The following SMARCB1 variants were observed in gnomAD, a reference collection of about 807,000 sequenced individuals.
The protein encoded by SMARCB1 is SWI/SNF related BAF chromatin remodeling complex subunit B1.
Under a neutral mutation model 49.0 loss-of-function variants are expected in SMARCB1, and 5 were observed. The ratio of observed to expected loss-of-function variants is 0.10; its 90% CI spans 0.05 to 0.21. The LOEUF is 0.21. SMARCB1 is among the 10% of genes least tolerant of loss of function. The pLI is 1.00. For missense variants in SMARCB1, 226 were observed against 509.2 expected (o/e 0.44, Z 5.35); for synonymous variants, 201 against 200.1 (o/e 1.00, Z -0.04).
chr22:23,799,728 A>C (rs1601400258), intron 3 of SMARCB1, among the ~76,000 whole-genome samples: 2 of 112,026 alleles, frequency 1.8e-5, no homozygotes, highest in African/African-American at 3.6e-5. Flanking sequence ...TCTGTCTCCC[A>C]CTCTGGAGTG....
At chr22:23,796,093 G>A (rs562380636) in intron 3 of SMARCB1, among the ~76,000 whole-genome samples, 5 of 152,078 alleles carry the variant, frequency 3.3e-5, no homozygotes, top group East Asian at 1.9e-4. Context: ...GTGCCCAGCC[G>A]GGAGTGCCCT....
chr22:23,835,069 GGCCAGCTCCTGCCTTACAA>G lies in SMARCB1; in HGVS notation c.*897_*915del. ...CCACCCCAGCAGGTGCTGTGGCCTG[GGCCAGCTCCTGCCTTACAA>G]GCCAGCTGTGAGGAATATGGGAATA... On this transcript the variant is annotated 3_prime_UTR_variant, in exon 9 of 9. Transcript: ENST00000644036. The G allele has an allele frequency of 1.4e-6, 2 of 1,396,158 alleles. No individual in the cohort carries two copies. The highest frequency in any genetic ancestry group is 1.9e-6 in the Non-Finnish European group (2 of 1,078,162). 86.5% of individuals were successfully genotyped at this position (1,396,158 alleles called of 1,614,324 possible).
intron 5 of SMARCB1, chr22:23,815,556 T>TG (rs1930143774): frequency 6.7e-6 from 1 of 149,330 alleles, no homozygotes; most frequent in African/African-American, 2.5e-5. Context: ...AAACTAAACA[T>TG]GCAACCAGTG....
At chr22:23,790,196 T>C (rs1338350759) in intron 1 of SMARCB1, among the ~76,000 whole-genome samples, 2 of 151,904 alleles carry the variant, frequency 1.3e-5, no homozygotes, top group African/African-American at 2.4e-5. Context: ...AAGGTAGTCA[T>C]AGGGGGGAGT....
At chr22:23,811,556 G>A (rs1256557725) in intron 5 of SMARCB1, among the ~76,000 whole-genome samples, 1 of 152,168 alleles carries the variant, frequency 6.6e-6, no homozygotes, top group Non-Finnish European at 1.5e-5. Context: ...AACCACAATT[G>A]ACTCAAATAC....
Position 23,836,863 on chromosome 22 carries a change from T to TG in SMARCB1, c.*2688dup. The TG allele has an allele frequency of 6.9e-7, 1 of 1,453,648 alleles. No individual in the cohort carries two copies. The highest frequency in any genetic ancestry group is 9.1e-7 in the Non-Finnish European group (1 of 1,101,922). The allele number at this position is 1,453,648 out of a possible 1,614,324, so 90.0% of individuals were successfully genotyped here. A position where few individuals can be genotyped will look rare whatever the true frequency, so the allele number is the denominator to read the frequency against. On this transcript the variant is annotated 3_prime_UTR_variant, in exon 9 of 9. Transcript: ENST00000644036. Reference sequence around the variant, plus strand: ...GAAGCCTCTTAGGCCTGGCCCTGGGTGGGGGTCACTGCTGCGGGGGTGGCA... The same window carrying TG: ...GAAGCCTCTTAGGCCTGGCCCTGGGTGGGGGGTCACTGCTGCGGGGGTGGCA...
At chr22:23,813,670 T>C (rs1476678191) in intron 5 of SMARCB1, among the ~76,000 whole-genome samples, 1 of 152,218 alleles carries the variant, frequency 6.6e-6, no homozygotes, top group Non-Finnish European at 1.5e-5. Context: ...TATTCATGGA[T>C]TAAAAGACTC....
rs1301089549 is a variant in SMARCB1, at chr22:23,836,319, GAGAC to G, written c.*2142_*2145del. The G allele has an allele frequency of 2.0e-6, 2 of 985,420 alleles. No homozygotes were observed. The highest frequency in any genetic ancestry group is 2.4e-6 in the Non-Finnish European group (2 of 829,974). The allele number at this position is 985,420 out of a possible 1,614,324, so 61.0% of individuals were successfully genotyped here. ...GCCCACCTGTCAGGGTGGCTGATGA[GAGAC>G]AGGAGAGGCTAGATTGGCATCAGCC... is the stretch of plus-strand genomic sequence containing the variant. On this transcript the variant is annotated 3_prime_UTR_variant, in exon 9 of 9. Coordinates refer to ENST00000644036, the MANE Select transcript of SMARCB1 (RefSeq NM_003073.5).
chr22:23,833,866 G>A (rs17003998), intron 8 of SMARCB1, among the ~76,000 whole-genome samples, 163 bp downstream of exon 8: 30 of 152,108 alleles, frequency 2.0e-4, no homozygotes, highest in Non-Finnish European at 3.7e-4. Context: ...CCATCCAAAC[G>A]CCAGGGTATG....
At position 23,837,094 on chromosome 22, in the gene SMARCB1, C is replaced by T. The variant is rs2031117759; in HGVS notation, c.*2914C>T. 2 of 1,613,976 alleles carry T rather than the reference C, an allele frequency of 1.2e-6. No individual in the cohort carries two copies. Among genetic ancestry groups the T allele is most frequent in the African/African-American group, 1.3e-5 (1 of 75,046 alleles). ...GCCAGGGGTCTGCAGGAGCCTCTTG[C>T]CTCCAGGCTGGTTGGGGAAGACGTC... On this transcript the variant is annotated 3_prime_UTR_variant, in exon 9 of 9. Coordinates refer to ENST00000644036, the MANE Select transcript of SMARCB1 (RefSeq NM_003073.5).
intron 3 of SMARCB1, among the ~76,000 whole-genome samples, chr22:23,798,245 G>C (rs1016448979): frequency 2.0e-5 from 3 of 152,054 alleles, no homozygotes; most frequent in African/African-American, 7.2e-5. Context: ...ACCTGGGTGG[G>C]GCTCAGGAAT....
At position 23,837,793 on chromosome 22, in the gene SMARCB1, T is replaced by A; in HGVS notation, c.*3613T>A. 1 of 1,613,802 alleles carries A rather than the reference T, an allele frequency of 6.2e-7. No homozygotes were observed. ...CCGAGGGCTGCGGCGGCTCCACACG[T>A]ACACCAGCATGGCCATGAGGGCCTG... On this transcript the variant is annotated 3_prime_UTR_variant, in exon 9 of 9. Coordinates refer to ENST00000644036, the MANE Select transcript of SMARCB1 (RefSeq NM_003073.5).
intron 6 of SMARCB1, among the ~76,000 whole-genome samples, chr22:23,819,321 TATTC>T (rs149317839): frequency 0.12 from 18,596 of 151,348 alleles, 1,208 homozygotes; most frequent in South Asian, 0.26. Flanking sequence ...TGTTTTCATT[TATTC>T]ATTCATTCAT....
In SMARCB1 at chr22:23,834,577, C is replaced by T; in HGVS notation, c.*397C>T. The T allele has an allele frequency of 1.4e-6, 1 of 697,196 alleles. No individual in the cohort carries two copies. Among genetic ancestry groups the T allele is most frequent in the Non-Finnish European group, 2.6e-6 (1 of 389,214 alleles). 43.2% of individuals were successfully genotyped at this position (697,196 alleles called of 1,614,324 possible). ...AAAATAATGAGAGCCAGGAGTGGGG[C>T]CGGGGCCTGGGGGGACGAAGGTGGT... is the stretch of plus-strand genomic sequence containing the variant. On this transcript the variant is annotated 3_prime_UTR_variant, in exon 9 of 9. Coordinates refer to ENST00000644036, the MANE Select transcript of SMARCB1 (RefSeq NM_003073.5).
In SMARCB1 at chr22:23,786,971, C is replaced by A; in HGVS notation, c.-199C>A. ...GCGCGCGCGTCAGCGTCAACGCCAG[C>A]GCCTGCGCACTGAGGGCGGCCTGGT... On this transcript the variant is annotated 5_prime_UTR_variant, in exon 1 of 9. Transcript: ENST00000644036. The A allele has an allele frequency of 2.1e-6, 1 of 477,404 alleles. No homozygotes were observed. Among genetic ancestry groups the A allele is most frequent in the Non-Finnish European group, 3.7e-6 (1 of 271,700 alleles). 29.6% of individuals were successfully genotyped at this position (477,404 alleles called of 1,614,324 possible).
chr22:23,801,536 G>C, intron 4 of SMARCB1: 1 of 380,352 alleles, frequency 2.6e-6, no homozygotes, highest in Non-Finnish European at 5.1e-6. Flanking sequence ...CCTGGATTTA[G>C]TTTCACTAGA....
At position 23,825,401 on chromosome 22, in the gene SMARCB1, G is replaced by A. The variant is rs1601433555; in HGVS notation, c.972G>A (p.Lys324=). The change falls in exon 7 of 9, where the codon AAG becomes AAA. Residue 324 remains lysine, a synonymous_variant. Coordinates refer to ENST00000644036, the MANE Select transcript of SMARCB1 (RefSeq NM_003073.5). ...SIRGQLSWHQ[K]TYAFSENPLP... is the part of the protein sequence containing the mutation. ...GGGGACAGCTGAGCTGGCATCAGAA[G>A]ACCTACGCCTTCAGGTAGGATCATG... is the stretch of plus-strand genomic sequence containing the variant. 2.5e-6 allele frequency: 4 copies of A among 1,614,088 alleles called. No individual in the cohort carries two copies. The highest frequency in any genetic ancestry group is 3.4e-6 in the Non-Finnish European group (4 of 1,179,942).
chr22:23,793,861 A>G (rs542805883), intron 3 of SMARCB1, among the ~76,000 whole-genome samples, 173 bp downstream of exon 3: 6 of 149,338 alleles, frequency 4.0e-5, no homozygotes, highest in Non-Finnish European at 5.9e-5. Flanking sequence ...GGCTCACTGC[A>G]ACCTCTGCCT....
chr22:23,817,753 C>G (rs1472289416), intron 6 of SMARCB1: 2 of 152,196 alleles, frequency 1.3e-5, no homozygotes, highest in African/African-American at 4.8e-5. Flanking sequence ...TGGCACTTTA[C>G]TAAGATTTTG....
Sources: allele counts gnomAD v4.1 joint callset (sites outside exome capture counted in the v4.1 genomes callset), GRCh38; gene constraint gnomAD v4.1.1; transcripts MANE v1.5; gene names NCBI Gene and HGNC (gene_info 2026-07-23, HGNC 2026-07-21).